AGBL4: variants seen among roughly 807,000 people sequenced by gnomAD.
AGBL4 encodes the protein AGBL carboxypeptidase 4.
Under a neutral mutation model 66.4 loss-of-function variants are expected in AGBL4, and 58 were observed. The observed-to-expected ratio is 0.87, with a 90% confidence interval of 0.71 to 1.09. AGBL4 has a LOEUF of 1.09. AGBL4 is among the 50% of genes least tolerant of loss of function. The pLI is 0.00. For missense variants in AGBL4, 579 were observed against 631.0 expected (o/e 0.92, Z 0.88); for synonymous variants, 234 against 222.9 (o/e 1.05, Z -0.44).
At position 49,339,385 on chromosome 1, in the gene AGBL4, T is replaced by G. The variant is rs143675930; in HGVS notation, c.283-93521A>C. Among the ~76,000 whole-genome samples the G allele has an allele frequency of 8.0e-3, 1,220 of 152,254 alleles. 9 individuals carry two copies. Among genetic ancestry groups the G allele is most frequent in the Middle Eastern group, 0.031 (9 of 294 alleles). On this transcript the variant is annotated intron_variant, in intron 3 of 13. Transcript: ENST00000371839. Reference sequence around the variant, plus strand: ...TGTGCCCTATACAATGAGATAATGTTTTTCGTGGATGGTGGACAGTGGGGA... The same window carrying G: ...TGTGCCCTATACAATGAGATAATGTGTTTCGTGGATGGTGGACAGTGGGGA...
At chr1:49,689,610 T>C (rs993502794) in intron 3 of AGBL4, among the ~76,000 whole-genome samples, 6 of 152,174 alleles carry the variant, frequency 3.9e-5, no homozygotes, top group Non-Finnish European at 8.8e-5. Flanking sequence ...GTGAAGAATG[T>C]CATTGGTATT....
chr1:49,469,940 C>T (rs1195399122), intron 3 of AGBL4: 4 of 151,808 alleles, frequency 2.6e-5, no homozygotes, highest in African/African-American at 9.7e-5. Flanking sequence ...GAATCCTAAC[C>T]CTGACACTTC....
chr1:48,839,376 T>A (rs1646749398), intron 6 of AGBL4, among the ~76,000 whole-genome samples: 1 of 152,090 alleles, frequency 6.6e-6, no homozygotes. Flanking sequence ...AAATTGAATG[T>A]CTTTATGTCT....
chr1:48,732,879 G>A lies in AGBL4; in HGVS notation c.635-69638C>T, dbSNP rs6671654. On this transcript the variant is annotated intron_variant, in intron 6 of 13. Transcript: ENST00000371839. ...CACAGAGGAGAGGGCCCATCAAGGA[G>A]ACTGAGAAACCAGAGAGATGGGAAG... is the stretch of plus-strand genomic sequence containing the variant. Among the ~76,000 whole-genome samples, 522 of 152,306 alleles carry A rather than the reference G, an allele frequency of 3.4e-3. 3 individuals are homozygous for A. Among genetic ancestry groups the A allele is most frequent in the African/African-American group, 0.012 (491 of 41,554 alleles).
chr1:49,870,846 T>C (rs1197135944), intron 1 of AGBL4, among the ~76,000 whole-genome samples: 1 of 152,072 alleles, frequency 6.6e-6, no homozygotes, highest in African/African-American at 2.4e-5. Context: ...AAATAACAGA[T>C]GTTGATGAGC....
At chr1:49,835,982 C>T (rs995717451) in intron 2 of AGBL4, among the ~76,000 whole-genome samples, 7 of 152,114 alleles carry the variant, frequency 4.6e-5, no homozygotes, top group Admixed American at 2.6e-4. Flanking sequence ...TGTGGGTAAC[C>T]CAACCTTTCT....
At chr1:49,470,079 C>T (rs1646711336) in intron 3 of AGBL4, 1 of 151,952 alleles carries the variant, frequency 6.6e-6, no homozygotes, top group Admixed American at 6.6e-5. Context: ...CAGAGAATTT[C>T]AAGTACAATG....
chr1:48,856,861 T>G (rs1205013816), intron 6 of AGBL4, among the ~76,000 whole-genome samples: 1 of 152,194 alleles, frequency 6.6e-6, no homozygotes, highest in Non-Finnish European at 1.5e-5. Context: ...GTGACTATCA[T>G]GTCCCTGACA....
chr1:49,507,920 G>C (rs994749921), intron 3 of AGBL4, among the ~76,000 whole-genome samples: 2 of 151,672 alleles, frequency 1.3e-5, no homozygotes, highest in East Asian at 1.9e-4. Context: ...TTTTCTTCTT[G>C]ATTTTGACTT....
intron 6 of AGBL4, among the ~76,000 whole-genome samples, chr1:48,782,174 G>A (rs1450376213): frequency 6.6e-6 from 1 of 152,324 alleles, no homozygotes; most frequent in East Asian, 1.9e-4. Context: ...CTGCGAAGAC[G>A]CTGACTGTCC....
intron 6 of AGBL4, among the ~76,000 whole-genome samples, chr1:48,666,987 T>G (rs1430097373): frequency 2.6e-5 from 4 of 152,362 alleles, no homozygotes; most frequent in African/African-American, 9.6e-5. Context: ...TGCCTAAACT[T>G]GCATAAGTAG....
At chr1:49,856,582 T>A (rs1646439055) in intron 1 of AGBL4, among the ~76,000 whole-genome samples, 1 of 151,988 alleles carries the variant, frequency 6.6e-6, no homozygotes, top group Non-Finnish European at 1.5e-5. Flanking sequence ...CATACAAAAA[T>A]CAATAAATGT....
At chr1:48,750,205 T>C (rs907150419) in intron 6 of AGBL4, among the ~76,000 whole-genome samples, 1 of 152,022 alleles carries the variant, frequency 6.6e-6, no homozygotes, top group Non-Finnish European at 1.5e-5. Context: ...AACTCAGGAG[T>C]TGAAGGACTG....
chr1:49,530,075 T>C (rs1650974070), intron 3 of AGBL4, among the ~76,000 whole-genome samples: 1 of 151,764 alleles, frequency 6.6e-6, no homozygotes, highest in African/African-American at 2.4e-5. Flanking sequence ...GATTACCACT[T>C]GCTTCTGTAC....
intron 6 of AGBL4, among the ~76,000 whole-genome samples, chr1:48,754,934 T>G (rs1652312003): frequency 6.6e-6 from 1 of 152,158 alleles, no homozygotes; most frequent in African/African-American, 2.4e-5. Context: ...GTGACACTTT[T>G]TGGGCTTGTT....
intron 3 of AGBL4, among the ~76,000 whole-genome samples, chr1:49,359,930 GA>G (rs948408003): frequency 3.3e-5 from 5 of 152,162 alleles, no homozygotes; most frequent in Non-Finnish European, 7.4e-5. Flanking sequence ...CCAGGCAGAT[GA>G]AGAGGTGGTT....
intron 3 of AGBL4, among the ~76,000 whole-genome samples, chr1:49,580,429 G>A (rs562470358): frequency 1.3e-5 from 2 of 152,118 alleles, no homozygotes; most frequent in Admixed American, 6.5e-5. Flanking sequence ...TGGTGTAGTG[G>A]AATTCTGTAA....
intron 6 of AGBL4, among the ~76,000 whole-genome samples, chr1:48,672,427 C>T (rs2148468394): frequency 6.6e-6 from 1 of 152,328 alleles, no homozygotes; most frequent in East Asian, 1.9e-4. Context: ...GCTGGATTCA[C>T]CAGACTCCAA....
At chr1:48,661,993 G>A (rs1646114700) in intron 7 of AGBL4, among the ~76,000 whole-genome samples, 1 of 152,198 alleles carries the variant, frequency 6.6e-6, no homozygotes, top group African/African-American at 2.4e-5. Context: ...CCTCAGTCAT[G>A]CATCATACAA....
Sources: gnomAD v4.1 joint callset for allele counts (sites outside exome capture counted in the v4.1 genomes callset) on GRCh38, gnomAD v4.1.1 for gene constraint, MANE v1.5 for transcripts, NCBI Gene and HGNC (gene_info 2026-07-23, HGNC 2026-07-21) for gene names.